Variants in CPPED1 observed in about 807,000 individuals in gnomAD.
CPPED1 encodes the protein calcineurin like phosphoesterase domain containing 1.
Under a neutral mutation model 28.0 loss-of-function variants are expected in CPPED1, and 28 were observed. The ratio of observed to expected loss-of-function variants is 1.00; its 90% CI spans 0.74 to 1.37. The LOEUF (loss-of-function observed/expected upper bound fraction) is 1.37. CPPED1 is among the 40% of genes most tolerant of loss of function. The pLI, the probability that CPPED1 is intolerant of heterozygous loss-of-function variation, is 0.00. For synonymous variants in CPPED1, 198 were observed against 180.2 expected (o/e 1.10, Z -0.79); for missense variants, 504 against 416.5 (o/e 1.21, Z -1.83).
At chr16:12,705,560 C>T (rs28546232) in intron 2 of CPPED1, among the ~76,000 whole-genome samples, 2,024 of 152,260 alleles carry the variant, frequency 0.013, 52 homozygotes, top group African/African-American at 0.046. Context: ...GAGTTCGAGA[C>T]CAGCCTGGAC....
chr16:12,767,822 G>A, intron 2 of CPPED1, among the ~76,000 whole-genome samples: 1 of 152,018 alleles, frequency 6.6e-6, no homozygotes. Context: ...CTGGGTGTGG[G>A]GGTGGGCACC....
In CPPED1 at chr16:12,704,835, G is replaced by T; in HGVS notation, c.504C>A (p.Tyr168Ter). 1 of 1,614,182 alleles carries T rather than the reference G, an allele frequency of 6.2e-7. No homozygotes were observed. Among genetic ancestry groups the T allele is most frequent in the South Asian group, 1.1e-5 (1 of 91,088 alleles). ...VLFLVLNSQF[Y>*]ENPSKCPSLK... ...GGCTGGGGCATTTGGAGGGGTTCTC[G>T]TAGAACTGGGAGTTGAGGACCAGGA... The change falls in exon 3 of 4, where the codon TAC becomes TAA. Residue 168 changes from tyrosine (Y) to a stop codon, truncating the protein, a stop_gained. Coordinates refer to ENST00000381774, the MANE Select transcript of CPPED1 (RefSeq NM_018340.3). LOFTEE classifies it high-confidence loss of function.
At chr16:12,781,715 GA>G (rs1567305294) in intron 1 of CPPED1, among the ~76,000 whole-genome samples, 1 of 152,126 alleles carries the variant, frequency 6.6e-6, no homozygotes, top group Non-Finnish European at 1.5e-5. Context: ...ACCCAATGCA[GA>G]AGATATTCGT....
rs557973290 is a variant in CPPED1 at position 12,777,407 on chromosome 16, C to T, written c.289+3778G>A. ...GCTTCTGGGGACAAAACCAGTGGGT[C>T]GATACCTCAGCATCAGGAGGACTGA... On this transcript the variant is annotated intron_variant, in intron 2 of 3. Transcript: ENST00000381774. Among the ~76,000 whole-genome samples the T allele has an allele frequency of 5.3e-5, 8 of 152,212 alleles. No homozygotes were observed. The South Asian group carries it at 1.2e-3, about 24-fold the overall frequency.
intron 3 of CPPED1, among the ~76,000 whole-genome samples, chr16:12,691,345 G>C (rs2079961773): frequency 6.6e-6 from 1 of 152,030 alleles, no homozygotes; most frequent in African/African-American, 2.4e-5. Context: ...GCGTAATCTT[G>C]GCTCACTGCA....
At chr16:12,698,298 T>C (rs1316808148) in intron 3 of CPPED1, among the ~76,000 whole-genome samples, 1 of 152,216 alleles carries the variant, frequency 6.6e-6, no homozygotes, top group Non-Finnish European at 1.5e-5. Flanking sequence ...GCTGGGCTTC[T>C]GTTTCCTGGA....
At chr16:12,675,742 G>C (rs1000109573) in intron 3 of CPPED1, among the ~76,000 whole-genome samples, 1 of 152,186 alleles carries the variant, frequency 6.6e-6, no homozygotes, top group East Asian at 1.9e-4. Context: ...GCTTTACGTT[G>C]CCAGCTATAA....
chr16:12,800,602 A>G (rs910876956), intron 1 of CPPED1, among the ~76,000 whole-genome samples: 4 of 152,196 alleles, frequency 2.6e-5, no homozygotes, highest in African/African-American at 9.7e-5. Context: ...AAATCTGATC[A>G]TACATCCTTG....
Position 12,727,678 on chromosome 16 carries a change from C to G in CPPED1, c.290-22629G>C, listed in dbSNP as rs60209758. Reference sequence around the variant, plus strand: ...GCCATCTGAATTCAAACATTTTAATCTGATGGAGTAATGTTAATTCCTCAA... The same window carrying G: ...GCCATCTGAATTCAAACATTTTAATGTGATGGAGTAATGTTAATTCCTCAA... On this transcript the variant is annotated intron_variant, in intron 2 of 3. Coordinates refer to ENST00000381774, the MANE Select transcript of CPPED1 (RefSeq NM_018340.3). 6.3e-3 allele frequency among the ~76,000 whole-genome samples: 953 copies of G among 152,238 alleles called. 8 individuals carry two copies. The highest frequency in any genetic ancestry group is 0.022 in the African/African-American group (917 of 41,538).
intron 1 of CPPED1, among the ~76,000 whole-genome samples, chr16:12,782,423 C>T (rs1332809823): frequency 1.3e-5 from 2 of 152,122 alleles, no homozygotes; most frequent in African/African-American, 4.8e-5. Context: ...GTCTGAGGAC[C>T]CCCGATCTAC....
At chr16:12,789,419 G>T (rs1024250972) in intron 1 of CPPED1, among the ~76,000 whole-genome samples, 1 of 152,108 alleles carries the variant, frequency 6.6e-6, no homozygotes, top group Non-Finnish European at 1.5e-5. Context: ...GACATCACTC[G>T]CCCACATTTC....
At chr16:12,760,554 C>T (rs1237781502) in intron 2 of CPPED1, 1 of 152,090 alleles carries the variant, frequency 6.6e-6, no homozygotes, top group Non-Finnish European at 1.5e-5. Flanking sequence ...CTGATATGGT[C>T]ATATGCTACT....
At chr16:12,771,486 C>A (rs1049893972) in intron 2 of CPPED1, among the ~76,000 whole-genome samples, 18 of 152,184 alleles carry the variant, frequency 1.2e-4, no homozygotes, top group African/African-American at 4.3e-4. Context: ...ACACACACAC[C>A]CCCACTGCCC....
rs1183698727 is a variant in CPPED1 at position 12,778,279 on chromosome 16, T to TTC, written c.289+2905_289+2906insGA. Among the ~76,000 whole-genome samples the TTC allele has an allele frequency of 8.0e-3, 397 of 49,902 alleles. 1 individual carries two copies. The highest frequency in any genetic ancestry group is 0.043 in the African/African-American group (366 of 8,560). The allele number at this position is 49,902 out of a possible 152,430, so 32.7% of individuals were successfully genotyped here. On this transcript the variant is annotated intron_variant, in intron 2 of 3. Transcript: ENST00000381774. Reference sequence around the variant, plus strand: ...TTTTCTTTTTTCTTTCTTTCTTTCTTTTTTTTTTTTTTTTTGAGATGGAGT... The same window carrying TTC: ...TTTTCTTTTTTCTTTCTTTCTTTCTTTCTTTTTTTTTTTTTTTGAGATGGAGT...
chr16:12,716,341 C>T (rs1471150313), intron 2 of CPPED1, among the ~76,000 whole-genome samples: 1 of 152,202 alleles, frequency 6.6e-6, no homozygotes, highest in East Asian at 1.9e-4. Flanking sequence ...ACACATGAGG[C>T]ATTGCTCAAG....
chr16:12,704,488 C>T (rs1256634938), intron 3 of CPPED1, 136 bp downstream of exon 3: 3 of 874,500 alleles, frequency 3.4e-6, no homozygotes, highest in Non-Finnish European at 5.2e-6. Context: ...TCTGCAAGTC[C>T]AAGAGCTGGT....
chr16:12,797,655 C>G (rs1255302517), intron 1 of CPPED1, among the ~76,000 whole-genome samples: 1 of 152,172 alleles, frequency 6.6e-6, no homozygotes, highest in Non-Finnish European at 1.5e-5. Flanking sequence ...AACGGAAGAA[C>G]TGTCTTGGGC....
intron 2 of CPPED1, among the ~76,000 whole-genome samples, chr16:12,723,826 G>A (rs2080155110): frequency 6.6e-6 from 1 of 152,092 alleles, no homozygotes; most frequent in Admixed American, 6.6e-5. Context: ...TGGGTTTGTA[G>A]CATGCCTCAC....
At chr16:12,800,491 T>A (rs1392965741) in intron 1 of CPPED1, among the ~76,000 whole-genome samples, 1 of 150,368 alleles carries the variant, frequency 6.7e-6, no homozygotes, top group Non-Finnish European at 1.5e-5. Context: ...TCTGGACAAA[T>A]CCTTGAGCTC....
Sources: allele counts gnomAD v4.1 joint callset (sites outside exome capture counted in the v4.1 genomes callset), GRCh38; gene constraint gnomAD v4.1.1; transcripts MANE v1.5; gene names NCBI Gene and HGNC (gene_info 2026-07-23, HGNC 2026-07-21).